The following NRXN3 variants were observed in gnomAD, a reference collection of about 807,000 sequenced individuals.
NRXN3 encodes the protein neurexin 3, also known as neurexin III.
In NRXN3, 32 loss-of-function variants were observed where a neutral mutation model predicts 137.6. The ratio of observed to expected loss-of-function variants is 0.23; its 90% confidence interval spans 0.18 to 0.31. NRXN3 has a LOEUF of 0.31. NRXN3 is among the 10% of genes least tolerant of loss of function. NRXN3 has a pLI of 1.00. For synonymous variants in NRXN3, 798 were observed against 784.5 expected (o/e 1.02, Z -0.29); for missense variants, 1,574 against 2,062.5 (o/e 0.76, Z 4.59).
At chr14:79,587,008 G>A (rs1262766352) in intron 16 of NRXN3, among the ~76,000 whole-genome samples, 1 of 152,082 alleles carries the variant, frequency 6.6e-6, no homozygotes, top group Non-Finnish European at 1.5e-5. Context: ...CTTGTCAATG[G>A]CTTTGATCCC....
At chr14:78,766,566 T>C (rs1200751058) in intron 8 of NRXN3, among the ~76,000 whole-genome samples, 1 of 152,238 alleles carries the variant, frequency 6.6e-6, no homozygotes, top group Non-Finnish European at 1.5e-5. Flanking sequence ...TAATTACATG[T>C]GATGGATCAA....
rs376306137 is a variant in NRXN3, at chr14:78,969,814, AGTGTGTGTGT to A, written c.3142+1501_3142+1510del. 1.2e-4 allele frequency among the ~76,000 whole-genome samples: 17 copies of A among 141,500 alleles called. No individual in the cohort carries two copies. In the South Asian group the frequency reaches 1.2e-3, roughly 10 times the overall value. 92.8% of individuals were successfully genotyped at this position (141,500 alleles called of 152,430 possible). A position where few individuals can be genotyped will look rare whatever the true frequency, so the allele number is the denominator to read the frequency against. On this transcript the variant is annotated intron_variant, in intron 14 of 20. Transcript: ENST00000335750. ...GCCAAATATGGTGTTTGTACTATGT[AGTGTGTGTGT>A]GTGTGTGTGTGTGTGTGTGTGTGTG...
intron 8 of NRXN3, among the ~76,000 whole-genome samples, chr14:78,797,269 AG>A (rs2098824792): frequency 1.3e-5 from 2 of 152,238 alleles, no homozygotes; most frequent in Admixed American, 6.5e-5. Context: ...GAACAGGGTT[AG>A]TGTCCAGACT....
At chr14:79,663,994 AT>A (rs2098546495) in intron 17 of NRXN3, 45 bp downstream of exon 17, 1 of 1,590,696 alleles carries the variant, frequency 6.3e-7, no homozygotes. Context: ...TGACTCTCCC[AT>A]TCTCACTTTT....
chr14:79,843,631 T>G (rs1391729673), intron 20 of NRXN3, among the ~76,000 whole-genome samples: 1 of 152,224 alleles, frequency 6.6e-6, no homozygotes, highest in Admixed American at 6.5e-5. Flanking sequence ...TAAGTTTATG[T>G]GATATTAATA....
At position 79,062,968 on chromosome 14, in the gene NRXN3, A is replaced by G. The variant is rs116075425; in HGVS notation, c.3262+74827A>G. Among the ~76,000 whole-genome samples the G allele has an allele frequency of 7.4e-3, 1,130 of 152,280 alleles. 10 individuals carry two copies. Among genetic ancestry groups the G allele is most frequent in the African/African-American group, 0.026 (1,088 of 41,552 alleles). ...TACTCCCTTAAAGGCAGTAATTTGT[A>G]TAGTATGTATTTTGAGAAAGGGGGG... On this transcript the variant is annotated intron_variant, in intron 15 of 20. Coordinates refer to ENST00000335750, the MANE Select transcript of NRXN3 (RefSeq NM_001330195.2).
chr14:78,924,808 T>C (rs34943490), intron 10 of NRXN3, among the ~76,000 whole-genome samples: 17,221 of 152,210 alleles, frequency 0.11, 1,349 homozygotes, highest in Non-Finnish European at 0.16. Flanking sequence ...ATGCTGCTGG[T>C]ACGCAATCCA....
chr14:79,084,919 ATAG>A (rs1334528726), intron 15 of NRXN3, among the ~76,000 whole-genome samples: 2 of 152,168 alleles, frequency 1.3e-5, no homozygotes, highest in Non-Finnish European at 2.9e-5. Flanking sequence ...AAGTAAGTTT[ATAG>A]ACTGTTGGGG....
intron 9 of NRXN3, among the ~76,000 whole-genome samples, chr14:78,806,833 A>C: frequency 6.6e-6 from 1 of 151,984 alleles, no homozygotes; most frequent in Non-Finnish European, 1.5e-5. Flanking sequence ...AAAAGACCTT[A>C]TCTTATTTTA....
At chr14:79,736,794 A>G (rs1351759202) in intron 19 of NRXN3, among the ~76,000 whole-genome samples, 1 of 152,190 alleles carries the variant, frequency 6.6e-6, no homozygotes, top group Non-Finnish European at 1.5e-5. Flanking sequence ...CAGCAAGTCT[A>G]GCAGACATGC....
At chr14:79,188,619 A>G (rs572898075) in intron 15 of NRXN3, among the ~76,000 whole-genome samples, 3 of 152,296 alleles carry the variant, frequency 2.0e-5, no homozygotes, top group Admixed American at 6.5e-5. Flanking sequence ...TAAATCCACC[A>G]TACTTTTGAA....
chr14:79,342,658 G>T (rs1780605284), intron 15 of NRXN3, among the ~76,000 whole-genome samples: 1 of 152,170 alleles, frequency 6.6e-6, no homozygotes, highest in Admixed American at 6.5e-5. Flanking sequence ...CTACTCAGCT[G>T]CGTTATCCCC....
Position 79,145,379 on chromosome 14 carries a change from T to A in NRXN3, c.3262+157238T>A, listed in dbSNP as rs190424155. On this transcript the variant is annotated intron_variant, in intron 15 of 20. Coordinates refer to ENST00000335750, the MANE Select transcript of NRXN3 (RefSeq NM_001330195.2). ...TAACTTTAGTACCAGAGACCGAAAG[T>A]CATATCTCACTTAGTTCTACAATCT... 2.0e-5 allele frequency among the ~76,000 whole-genome samples: 3 copies of A among 152,298 alleles called. No homozygotes were observed. The East Asian group carries it at 5.8e-4, about 29-fold the overall frequency.
intron 4 of NRXN3, among the ~76,000 whole-genome samples, chr14:78,572,367 G>C (rs1057042549): frequency 1.3e-4 from 20 of 152,278 alleles, no homozygotes; most frequent in African/African-American, 4.8e-4. Context: ...TAGCCACTGG[G>C]TAGCCCATCC....
intron 20 of NRXN3, among the ~76,000 whole-genome samples, chr14:79,809,170 A>C (rs2099222301): frequency 1.3e-5 from 2 of 152,252 alleles, no homozygotes; most frequent in African/African-American, 4.8e-5. Context: ...TTTAACAGCT[A>C]AAATTAAACC....
At chr14:79,702,506 C>T (rs2098758316) in intron 19 of NRXN3, among the ~76,000 whole-genome samples, 1 of 151,894 alleles carries the variant, frequency 6.6e-6, no homozygotes, top group Non-Finnish European at 1.5e-5. Flanking sequence ...GAACATATTC[C>T]TGGTTGGTCA....
intron 8 of NRXN3, among the ~76,000 whole-genome samples, chr14:78,718,790 G>T (rs1052507445): frequency 6.6e-6 from 1 of 152,098 alleles, no homozygotes; most frequent in Non-Finnish European, 1.5e-5. Flanking sequence ...AATTATTTTT[G>T]TTGGCTATTC....
At chr14:79,586,743 T>C (rs896497570) in intron 16 of NRXN3, among the ~76,000 whole-genome samples, 12 of 152,238 alleles carry the variant, frequency 7.9e-5, no homozygotes, top group Admixed American at 7.8e-4. Context: ...CAGCCATTTC[T>C]TGTTTTTTGA....
At chr14:79,504,638 T>TAGA in intron 16 of NRXN3, among the ~76,000 whole-genome samples, 1 of 93,430 alleles carries the variant, frequency 1.1e-5, no homozygotes, top group Non-Finnish European at 2.2e-5. Context: ...AAAATGAAGT[T>TAGA]TTTTATATAT....
Sources: allele counts gnomAD v4.1 joint callset (sites outside exome capture counted in the v4.1 genomes callset), GRCh38; gene constraint gnomAD v4.1.1; transcripts MANE v1.5; gene names NCBI Gene and HGNC (gene_info 2026-07-23, HGNC 2026-07-21).